RABGEF1: variants seen among roughly 807,000 people sequenced by gnomAD.
The protein encoded by RABGEF1 is rab5 GDP/GTP exchange factor.
Under a neutral mutation model 57.3 loss-of-function variants are expected in RABGEF1, and 26 were observed. The observed-to-expected ratio is 0.45, with a 90% CI of 0.33 to 0.63. The LOEUF is 0.63. Ranked by LOEUF, RABGEF1 falls within the 20% of genes least tolerant of loss-of-function variation. The pLI is 0.02. For missense variants in RABGEF1, 464 were observed against 607.6 expected (o/e 0.76, Z 2.48); for synonymous variants, 185 against 210.7 (o/e 0.88, Z 1.06).
intron 2 of RABGEF1, among the ~76,000 whole-genome samples, chr7:66,721,354 C>T (rs980630163): frequency 2.0e-5 from 3 of 152,182 alleles, no homozygotes; most frequent in Non-Finnish European, 2.9e-5. Flanking sequence ...TATTGCCATA[C>T]AGTCCTGGAA....
At chr7:66,783,268 T>TAC (rs1810389099) in intron 3 of RABGEF1, among the ~76,000 whole-genome samples, 1 of 152,250 alleles carries the variant, frequency 6.6e-6, no homozygotes, top group Admixed American at 6.5e-5. Context: ...CATTTATAAG[T>TAC]CATTTAACAT....
chr7:66,670,967 ATG>A, the RABGEF1 span, among the ~76,000 whole-genome samples: 2 of 151,240 alleles, frequency 1.3e-5, no homozygotes, highest in Non-Finnish European at 2.9e-5. Context: ...GTCTTACTTA[ATG>A]TGTGTGATAC....
chr7:66,802,068 C>G (rs1337780220), intron 7 of RABGEF1, among the ~76,000 whole-genome samples: 1 of 152,150 alleles, frequency 6.6e-6, no homozygotes, highest in Non-Finnish European at 1.5e-5. Context: ...TGCCACCACA[C>G]CCAGCTAATT....
chr7:66,755,393 T>A (rs1439106251), intron 1 of RABGEF1, among the ~76,000 whole-genome samples: 3 of 152,124 alleles, frequency 2.0e-5, no homozygotes, highest in African/African-American at 7.2e-5. Flanking sequence ...AGAGGATCAC[T>A]TGAGCCTGGG....
chr7:66,746,558 C>T (rs1271109180), intron 1 of RABGEF1, among the ~76,000 whole-genome samples: 1 of 148,932 alleles, frequency 6.7e-6, no homozygotes, highest in African/African-American at 2.5e-5. Context: ...CAAAGTGCTG[C>T]GATTACAGGC....
the RABGEF1 span, among the ~76,000 whole-genome samples, chr7:66,668,087 C>T: frequency 2.6e-4 from 39 of 152,060 alleles, no homozygotes; most frequent in African/African-American, 4.1e-4. Flanking sequence ...TGTCAGCCAC[C>T]GCGCCTGGCC....
At chr7:66,730,346 T>C (rs1797163307) in intron 2 of RABGEF1, among the ~76,000 whole-genome samples, 1 of 152,076 alleles carries the variant, frequency 6.6e-6, no homozygotes, top group Non-Finnish European at 1.5e-5. Context: ...GGATAAACAA[T>C]AGGCTCCACC....
intron 3 of RABGEF1, among the ~76,000 whole-genome samples, chr7:66,780,417 G>A (rs372558177): frequency 7.2e-5 from 11 of 152,166 alleles, no homozygotes; most frequent in African/African-American, 2.7e-4. Context: ...ATAGACTTGT[G>A]AGGATTATAC....
chr7:66,656,168 G>A, the RABGEF1 span, among the ~76,000 whole-genome samples: 12 of 152,186 alleles, frequency 7.9e-5, no homozygotes, highest in Admixed American at 7.9e-4. Flanking sequence ...CCAGGCTGGA[G>A]TACAGTGACA....
At chr7:66,745,852 T>C (rs746809254) in intron 1 of RABGEF1, among the ~76,000 whole-genome samples, 10 of 151,808 alleles carry the variant, frequency 6.6e-5, no homozygotes, top group Non-Finnish European at 1.5e-4. Flanking sequence ...ACCAGTGCTT[T>C]GGGAGGCCAA....
intron 5 of RABGEF1, among the ~76,000 whole-genome samples, chr7:66,796,037 C>T (rs1212862044): frequency 1.3e-5 from 2 of 151,954 alleles, no homozygotes; most frequent in South Asian, 2.1e-4. Context: ...CTCGGGAGGC[C>T]GAGGCACAAG....
chr7:66,733,969 C>G (rs1343545578), intron 2 of RABGEF1, among the ~76,000 whole-genome samples: 1 of 152,184 alleles, frequency 6.6e-6, no homozygotes, highest in Non-Finnish European at 1.5e-5. Flanking sequence ...TGTGCCATTG[C>G]ACTCCAGCCT....
At chr7:66,747,661 CTTAAAA>C (rs964005088) in intron 1 of RABGEF1, among the ~76,000 whole-genome samples, 1 of 152,030 alleles carries the variant, frequency 6.6e-6, no homozygotes, top group African/African-American at 2.4e-5. Flanking sequence ...AATTTAAATT[CTTAAAA>C]TTAGAATTTT....
chr7:66,657,012 A>G, the RABGEF1 span, among the ~76,000 whole-genome samples: 3 of 152,290 alleles, frequency 2.0e-5, no homozygotes, highest in East Asian at 5.8e-4. Context: ...CATATGAAGT[A>G]AAAAAGGATA....
At chr7:66,763,375 T>C (rs780111718) in intron 1 of RABGEF1, among the ~76,000 whole-genome samples, 12 of 152,234 alleles carry the variant, frequency 7.9e-5, no homozygotes, top group Non-Finnish European at 1.6e-4. Context: ...CATTTCTTTG[T>C]TGGCTGTCAG....
At chr7:66,655,309 G>T in the RABGEF1 span, among the ~76,000 whole-genome samples, 1 of 152,194 alleles carries the variant, frequency 6.6e-6, no homozygotes, top group African/African-American at 2.4e-5. Flanking sequence ...GGAGAGAGAG[G>T]GAGGGACTCT....
chr7:66,764,476 A>T (rs543372696), intron 1 of RABGEF1, among the ~76,000 whole-genome samples: 1 of 152,250 alleles, frequency 6.6e-6, no homozygotes, highest in East Asian at 1.9e-4. Flanking sequence ...AGTACAATTT[A>T]TCTGTCTTTT....
intron 2 of RABGEF1, chr7:66,773,941 C>T (rs1273243463): frequency 1.3e-5 from 5 of 392,150 alleles, no homozygotes; most frequent in Non-Finnish European, 2.5e-5. Flanking sequence ...GCTGGGATTA[C>T]AGGCGTGAGC....
rs181018879 is a variant in RABGEF1 at position 66,715,006 on chromosome 7, C to A, written c.-815+2782C>A. Among the ~76,000 whole-genome samples the A allele has an allele frequency of 3.0e-3, 461 of 152,084 alleles. 2 individuals are homozygous for A. Among genetic ancestry groups the A allele is most frequent in the African/African-American group, 0.011 (443 of 41,508 alleles). ...GAAAACTTTCGTCGTCCTCCTCCTC[C>A]TCCTCTTCTTCTTCCTCCTCTTTCT... On this transcript the variant is annotated intron_variant and NMD_transcript_variant, in intron 2 of 9. Coordinates refer to the RABGEF1 transcript ENST00000607882.
Sources: gnomAD v4.1 joint callset for allele counts (sites outside exome capture counted in the v4.1 genomes callset) on GRCh38, gnomAD v4.1.1 for gene constraint, MANE v1.5 for transcripts, NCBI Gene and HGNC (gene_info 2026-07-23, HGNC 2026-07-21) for gene names.